The following IQSEC1 variants were observed in gnomAD, a reference collection of about 807,000 sequenced individuals.
IQSEC1 encodes IQ motif and Sec7 domain ArfGEF 1.
In IQSEC1, 31 loss-of-function variants were observed where a neutral mutation model predicts 91.0. The observed-to-expected ratio is 0.34, with a 90% CI of 0.26 to 0.46. IQSEC1 has a LOEUF of 0.46. Ranked by LOEUF, IQSEC1 falls within the 20% of genes least tolerant of loss-of-function variation. The pLI, the probability that IQSEC1 is intolerant of heterozygous loss-of-function variation, is 1.00. For missense variants in IQSEC1, 1,388 were observed against 1,575.6 expected, an observed-to-expected ratio of 0.88 and a Z score of 2.02; for synonymous variants, 699 against 662.6, an observed-to-expected ratio of 1.05 and a Z score of -0.84.
intron 10 of IQSEC1, among the ~76,000 whole-genome samples, chr3:12,911,165 C>A (rs899964525): frequency 3.9e-5 from 6 of 152,160 alleles, no homozygotes; most frequent in Non-Finnish European, 8.8e-5. Context: ...CAACAGAGGC[C>A]AGAGGGGTTG....
chr3:13,164,790 A>G (rs1051267233), intron 1 of IQSEC1, among the ~76,000 whole-genome samples: 4 of 152,218 alleles, frequency 2.6e-5, no homozygotes, highest in African/African-American at 4.8e-5. Context: ...AACTCCATGC[A>G]GCTGATGGCT....
chr3:13,088,047 C>G (rs954399725), intron 2 of IQSEC1, among the ~76,000 whole-genome samples: 1 of 152,230 alleles, frequency 6.6e-6, no homozygotes, highest in Admixed American at 6.5e-5. Flanking sequence ...AGCACTAGAG[C>G]ACAGTCCCCC....
chr3:12,914,307 C>G (rs1695857822), intron 8 of IQSEC1, among the ~76,000 whole-genome samples: 1 of 152,220 alleles, frequency 6.6e-6, no homozygotes, highest in African/African-American at 2.4e-5. Context: ...CAGGGCCTGG[C>G]TCTGGGAGTG....
At chr3:13,092,650 C>T (rs1705883432) in intron 2 of IQSEC1, among the ~76,000 whole-genome samples, 1 of 152,086 alleles carries the variant, frequency 6.6e-6, no homozygotes, top group Non-Finnish European at 1.5e-5. Flanking sequence ...CAATTTTAGC[C>T]CCTAACCCGA....
chr3:13,074,771 C>T (rs758713458), upstream of IQSEC1, among the ~76,000 whole-genome samples: 140 of 152,326 alleles, frequency 9.2e-4, 1 homozygote, highest in Middle Eastern at 3.4e-3. Context: ...GGCCATTTCC[C>T]TTCCTCTTTC....
intron 1 of IQSEC1, among the ~76,000 whole-genome samples, chr3:13,059,215 C>T (rs979290725): frequency 1.3e-5 from 2 of 152,140 alleles, no homozygotes; most frequent in Non-Finnish European, 2.9e-5. Context: ...CAGGCCCCAC[C>T]CCAGGGGCCC....
chr3:13,201,075 T>C (rs1694236090), intron 1 of IQSEC1, among the ~76,000 whole-genome samples: 1 of 152,212 alleles, frequency 6.6e-6, no homozygotes. Context: ...GCCTGTGAGT[T>C]ATGCCATTTA....
At chr3:13,245,591 A>G in intron 1 of IQSEC1, among the ~76,000 whole-genome samples, 1 of 152,000 alleles carries the variant, frequency 6.6e-6, no homozygotes, top group East Asian at 1.9e-4. Context: ...ACATGGCAAA[A>G]CCCCATCTCT....
intron 1 of IQSEC1, among the ~76,000 whole-genome samples, chr3:12,955,765 C>T (rs1387081604): frequency 2.0e-5 from 3 of 152,358 alleles, no homozygotes; most frequent in Admixed American, 6.5e-5. Context: ...GAGGCCCATC[C>T]CTCAGGGACC....
chr3:13,056,335 C>G (rs2125076369), intron 1 of IQSEC1, among the ~76,000 whole-genome samples: 1 of 152,168 alleles, frequency 6.6e-6, no homozygotes, highest in East Asian at 1.9e-4. Context: ...CCATCTGGCA[C>G]CACCCCATCT....
intron 1 of IQSEC1, among the ~76,000 whole-genome samples, chr3:13,006,856 C>T (rs1385317323): frequency 1.3e-5 from 2 of 152,188 alleles, no homozygotes; most frequent in Non-Finnish European, 2.9e-5. Flanking sequence ...AGAGACAGGC[C>T]GTCTTTGGCA....
chr3:13,225,766 C>A (rs1198425474), intron 1 of IQSEC1, among the ~76,000 whole-genome samples: 1 of 152,170 alleles, frequency 6.6e-6, no homozygotes, highest in African/African-American at 2.4e-5. Context: ...GTTAACCCTA[C>A]CTGGTAGAGG....
At chr3:13,197,276 C>A (rs1694150738) in intron 1 of IQSEC1, among the ~76,000 whole-genome samples, 1 of 152,210 alleles carries the variant, frequency 6.6e-6, no homozygotes, top group Non-Finnish European at 1.5e-5. Context: ...ACATTTGCAG[C>A]CCCCAAGCGC....
rs547123765 is a variant in IQSEC1 at position 13,159,322 on chromosome 3, G to A, written c.302+4782C>T. ...CAGACACCTGCAATCCCAGCTTCTC[G>A]GGAGGCTGAAGCAGGAGAATCGCTT... On this transcript the variant is annotated intron_variant, in intron 2 of 15. Coordinates refer to the IQSEC1 transcript ENST00000648114. 5.6e-4 allele frequency among the ~76,000 whole-genome samples: 85 copies of A among 152,144 alleles called. No homozygotes were observed. The South Asian group carries it at 0.011, about 20-fold the overall frequency.
intron 2 of IQSEC1, among the ~76,000 whole-genome samples, chr3:13,146,326 G>A (rs965195128): frequency 2.6e-5 from 4 of 152,090 alleles, no homozygotes; most frequent in South Asian, 2.1e-4. Flanking sequence ...ATCCCTTCAC[G>A]TGTCAACTTC....
At chr3:13,194,323 G>A (rs114333020) in intron 1 of IQSEC1, among the ~76,000 whole-genome samples, 2,705 of 152,234 alleles carry the variant, frequency 0.018, 71 homozygotes, top group African/African-American at 0.06. Context: ...TGGGCTGCAG[G>A]TTTATTCCCG....
rs940461194 is a variant in IQSEC1, at chr3:13,034,202, TC to T, written c.23+38789del. Reference sequence around the variant, plus strand: ...TTGCAACCACTCAGGCCCAGGCGTCTCCCCCCAGAGTCAACTGGGCAAGTGG... The same window carrying T: ...TTGCAACCACTCAGGCCCAGGCGTCTCCCCCAGAGTCAACTGGGCAAGTGG... On this transcript the variant is annotated intron_variant, in intron 1 of 13. Transcript: ENST00000613206. Among the ~76,000 whole-genome samples, 28 of 152,102 alleles carry T rather than the reference TC, an allele frequency of 1.8e-4. No individual in the cohort carries two copies. In the South Asian group the frequency reaches 1.9e-3, roughly 10 times the overall value.
At chr3:12,926,875 G>A (rs1697190642) in intron 3 of IQSEC1, among the ~76,000 whole-genome samples, 1 of 152,214 alleles carries the variant, frequency 6.6e-6, no homozygotes, top group Non-Finnish European at 1.5e-5. Context: ...TTGTCCCCAG[G>A]AGTGTGGCAG....
At chr3:13,166,940 T>C (rs1335259054) in intron 1 of IQSEC1, among the ~76,000 whole-genome samples, 1 of 152,222 alleles carries the variant, frequency 6.6e-6, no homozygotes, top group East Asian at 1.9e-4. Context: ...GCCCGTCCTA[T>C]GGCCGAAGGA....
Sources: gnomAD v4.1 joint callset for allele counts (sites outside exome capture counted in the v4.1 genomes callset) on GRCh38, gnomAD v4.1.1 for gene constraint, MANE v1.5 for transcripts, NCBI Gene and HGNC (gene_info 2026-07-23, HGNC 2026-07-21) for gene names.